GNA14: variants seen among roughly 807,000 people sequenced by gnomAD.
GNA14 encodes the protein guanine nucleotide-binding protein subunit alpha-14.
A neutral mutation model predicts 42.0 loss-of-function variants in GNA14; 50 were observed. The ratio of observed to expected loss-of-function variants is 1.19; its 90% CI spans 0.95 to 1.51. The LOEUF is 1.51. Among genes scored for constraint, GNA14 ranks in the 40% most tolerant of loss-of-function variants. The probability of loss-of-function intolerance (pLI) is 0.00; values close to 1 mark genes in which losing one functional copy is unlikely to be tolerated. For missense variants in GNA14, 473 were observed against 446.2 expected (o/e 1.06, Z -0.54); for synonymous variants, 173 against 163.1 (o/e 1.06, Z -0.46).
intron 1 of GNA14, among the ~76,000 whole-genome samples, chr9:77,545,760 G>T (rs1837711656): frequency 6.6e-6 from 1 of 152,038 alleles, no homozygotes; most frequent in Non-Finnish European, 1.5e-5. Flanking sequence ...CAAGAAGAAG[G>T]TCTCATTCTC....
chr9:77,446,307 C>T (rs950050597), intron 2 of GNA14, among the ~76,000 whole-genome samples: 14 of 152,224 alleles, frequency 9.2e-5, no homozygotes, highest in African/African-American at 3.4e-4. Flanking sequence ...TTCAACAAAA[C>T]ACCAGCAAGG....
intron 1 of GNA14, among the ~76,000 whole-genome samples, chr9:77,629,001 T>C (rs760395983): frequency 3.9e-4 from 59 of 151,012 alleles, no homozygotes; most frequent in Non-Finnish European, 4.6e-4. Context: ...TGACAAAGGG[T>C]TCATATCCAG....
At position 77,618,144 on chromosome 9, in the gene GNA14, AAAC is replaced by A. The variant is rs1008653380; in HGVS notation, c.124+29523_124+29525del. 3.7e-4 allele frequency among the ~76,000 whole-genome samples: 56 copies of A among 152,168 alleles called. No homozygotes were observed. The East Asian group carries it at 5.0e-3, about 14-fold the overall frequency. Reference sequence around the variant, plus strand: ...TATTTGAAGGACTAATTGATTTAAAAAACAACAACAACAACAAAACCCACTAAA... The same window carrying A: ...TATTTGAAGGACTAATTGATTTAAAAAACAACAACAACAAAACCCACTAAA... On this transcript the variant is annotated intron_variant, in intron 1 of 6. Coordinates refer to ENST00000341700, the MANE Select transcript of GNA14 (RefSeq NM_004297.4).
At chr9:77,440,874 C>G (rs994596906) in intron 2 of GNA14, among the ~76,000 whole-genome samples, 1 of 152,060 alleles carries the variant, frequency 6.6e-6, no homozygotes, top group Admixed American at 6.6e-5. Context: ...CACCACCATG[C>G]CCGGCTAATT....
chr9:77,626,178 AAAG>A (rs1314412652), intron 1 of GNA14, among the ~76,000 whole-genome samples: 4 of 152,186 alleles, frequency 2.6e-5, no homozygotes, highest in African/African-American at 9.6e-5. Context: ...ATCAATGCAA[AAAG>A]AAGAGCTAAC....
chr9:77,469,746 G>A (rs752137734), intron 2 of GNA14, among the ~76,000 whole-genome samples: 3 of 152,130 alleles, frequency 2.0e-5, no homozygotes, highest in Non-Finnish European at 4.4e-5. Context: ...TTCTTTCACA[G>A]AAGGCTATAA....
At chr9:77,617,430 C>G (rs1273016216) in intron 1 of GNA14, among the ~76,000 whole-genome samples, 1 of 152,088 alleles carries the variant, frequency 6.6e-6, no homozygotes, top group African/African-American at 2.4e-5. Context: ...ATCCAATCAA[C>G]TCTACCTTCA....
At chr9:77,493,026 A>ATATATAT (rs1261356124) in intron 2 of GNA14, among the ~76,000 whole-genome samples, 7 of 51,708 alleles carry the variant, frequency 1.4e-4, no homozygotes, top group African/African-American at 5.6e-4. Flanking sequence ...AAAAAAAAAA[A>ATATATAT]ATATATATAT....
chr9:77,553,355 T>G (rs147400435), intron 1 of GNA14, among the ~76,000 whole-genome samples: 396 of 152,190 alleles, frequency 2.6e-3, no homozygotes, highest in Non-Finnish European at 4.0e-3. Flanking sequence ...CTCAGAGTAG[T>G]GCTGGGACTA....
chr9:77,535,191 T>C (rs1426080292), intron 1 of GNA14, among the ~76,000 whole-genome samples: 2 of 152,214 alleles, frequency 1.3e-5, no homozygotes, highest in Non-Finnish European at 2.9e-5. Flanking sequence ...TAGCTACCCA[T>C]GCAGCAGGAG....
intron 3 of GNA14, among the ~76,000 whole-genome samples, chr9:77,433,583 G>C (rs995437954): frequency 6.6e-6 from 1 of 151,842 alleles, no homozygotes; most frequent in Non-Finnish European, 1.5e-5. Context: ...GGCTAGTCTC[G>C]AATTCCTGGT....
chr9:77,552,623 C>G (rs1192232903), intron 1 of GNA14, among the ~76,000 whole-genome samples: 2 of 152,110 alleles, frequency 1.3e-5, no homozygotes, highest in Non-Finnish European at 1.5e-5. Context: ...ATAAAGGAAA[C>G]AAATGTTACC....
chr9:77,450,705 A>C (rs1835889147), intron 2 of GNA14, among the ~76,000 whole-genome samples: 1 of 151,720 alleles, frequency 6.6e-6, no homozygotes, highest in Non-Finnish European at 1.5e-5. Context: ...GATTTTGCTA[A>C]GATAGCACTT....
chr9:77,465,934 A>G lies in GNA14; in HGVS notation c.310-31412T>C, dbSNP rs962525926. ...ATAAGATTGTTGATTGACTTTTTTC[A>G]TTGCCTCTGGCTTCTATTTTTCCAG... On this transcript the variant is annotated intron_variant, in intron 2 of 6. Coordinates refer to ENST00000341700, the MANE Select transcript of GNA14 (RefSeq NM_004297.4). Among the ~76,000 whole-genome samples the G allele has an allele frequency of 4.6e-5, 7 of 152,048 alleles. 1 individual carries two copies. The highest frequency in any genetic ancestry group is 1.0e-4 in the Non-Finnish European group (7 of 67,990).
chr9:77,533,116 C>CTT (rs386415198), intron 1 of GNA14, among the ~76,000 whole-genome samples: 5 of 151,806 alleles, frequency 3.3e-5, no homozygotes, highest in Non-Finnish European at 5.9e-5. Flanking sequence ...TTTAGTTTTT[C>CTT]TGTTTTCATA....
chr9:77,463,508 A>C (rs1215520040), intron 2 of GNA14, among the ~76,000 whole-genome samples: 2 of 152,234 alleles, frequency 1.3e-5, no homozygotes, highest in East Asian at 3.8e-4. Flanking sequence ...AAGGGGATTA[A>C]ATCTAAGAAA....
At chr9:77,596,479 C>T (rs1015387743) in intron 1 of GNA14, among the ~76,000 whole-genome samples, 1 of 152,048 alleles carries the variant, frequency 6.6e-6, no homozygotes, top group Admixed American at 6.5e-5. Flanking sequence ...GTACCCTACG[C>T]CTCCTCGCCT....
intron 2 of GNA14, among the ~76,000 whole-genome samples, chr9:77,485,643 G>C (rs549975799): frequency 6.6e-6 from 1 of 152,160 alleles, no homozygotes; most frequent in African/African-American, 2.4e-5. Flanking sequence ...ATAAGACTTG[G>C]AAGTCAAAAT....
chr9:77,554,145 G>A (rs551311366), intron 1 of GNA14, among the ~76,000 whole-genome samples: 5 of 152,272 alleles, frequency 3.3e-5, no homozygotes, highest in South Asian at 4.1e-4. Flanking sequence ...TCTGGGAAAC[G>A]GGAATGGTAA....
Sources: gnomAD v4.1 joint callset for allele counts (sites outside exome capture counted in the v4.1 genomes callset) on GRCh38, gnomAD v4.1.1 for gene constraint, MANE v1.5 for transcripts, NCBI Gene and HGNC (gene_info 2026-07-23, HGNC 2026-07-21) for gene names.